The following NRG3 variants were observed in gnomAD, a reference collection of about 807,000 sequenced individuals.
NRG3 encodes the protein pro-neuregulin-3, membrane-bound isoform.
A neutral mutation model predicts 66.9 loss-of-function variants in NRG3; 31 were observed. The observed-to-expected ratio is 0.46, with a 90% CI of 0.35 to 0.63. The LOEUF (loss-of-function observed/expected upper bound fraction) is 0.63. NRG3 is among the 20% of genes least tolerant of loss of function. The probability of loss-of-function intolerance (pLI) is 0.00; values close to 1 mark genes in which losing one functional copy is unlikely to be tolerated. For missense variants in NRG3, 910 were observed against 878.9 expected (o/e 1.04, Z -0.45); for synonymous variants, 393 against 359.4 (o/e 1.09, Z -1.06).
intron 1 of NRG3, among the ~76,000 whole-genome samples, chr10:82,308,555 G>A (rs539724668): frequency 2.0e-4 from 30 of 152,194 alleles, no homozygotes; most frequent in Admixed American, 3.9e-4. Context: ...TGGATTTTGT[G>A]TATATTAACA....
intron 1 of NRG3, among the ~76,000 whole-genome samples, chr10:81,910,204 T>G (rs887244418): frequency 6.6e-6 from 1 of 152,224 alleles, no homozygotes; most frequent in Non-Finnish European, 1.5e-5. Context: ...AATCTATTTC[T>G]TGCTGTCCAC....
At chr10:82,976,627 G>GTTTC (rs1852279753) in intron 7 of NRG3, among the ~76,000 whole-genome samples, 1 of 152,180 alleles carries the variant, frequency 6.6e-6, no homozygotes, top group Admixed American at 6.5e-5. Flanking sequence ...CTAGCAGCTA[G>GTTTC]TTTCTACCTT....
intron 2 of NRG3, among the ~76,000 whole-genome samples, chr10:82,684,025 C>T (rs1350293282): frequency 1.9e-5 from 1 of 52,568 alleles, no homozygotes; most frequent in African/African-American, 3.1e-5. Flanking sequence ...TGTATATATT[C>T]AGAGCGCCCC....
intron 1 of NRG3, among the ~76,000 whole-genome samples, chr10:82,079,732 T>C (rs965582328): frequency 1.1e-4 from 16 of 152,208 alleles, no homozygotes; most frequent in African/African-American, 3.9e-4. Flanking sequence ...CCTAGAGTTT[T>C]AAAATTGGCT....
chr10:82,947,266 T>C (rs1350224771), intron 4 of NRG3, among the ~76,000 whole-genome samples: 1 of 152,222 alleles, frequency 6.6e-6, no homozygotes, highest in African/African-American at 2.4e-5. Context: ...TATTCTTCCA[T>C]ATTGTAGTTT....
intron 1 of NRG3, among the ~76,000 whole-genome samples, chr10:81,979,241 C>G (rs2060244015): frequency 6.6e-6 from 1 of 151,192 alleles, no homozygotes; most frequent in Non-Finnish European, 1.5e-5. Context: ...TCAGGAACCC[C>G]AGGTAACTTT....
intron 2 of NRG3, among the ~76,000 whole-genome samples, chr10:82,495,419 C>T (rs1843530285): frequency 6.6e-6 from 1 of 152,008 alleles, no homozygotes; most frequent in Non-Finnish European, 1.5e-5. Flanking sequence ...CTTTTTCCTA[C>T]TTGATTTTTT....
chr10:82,271,525 G>T (rs2078597011), intron 1 of NRG3, among the ~76,000 whole-genome samples: 1 of 151,998 alleles, frequency 6.6e-6, no homozygotes, highest in Non-Finnish European at 1.5e-5. Flanking sequence ...AAAACTCTTT[G>T]CCTCTTATCC....
At chr10:82,028,994 A>G (rs2062443349) in intron 1 of NRG3, among the ~76,000 whole-genome samples, 1 of 152,056 alleles carries the variant, frequency 6.6e-6, no homozygotes, top group Admixed American at 6.6e-5. Flanking sequence ...GGATCACCTG[A>G]GGTCAGGAGT....
At position 82,106,324 on chromosome 10, in the gene NRG3, T is replaced by G. The variant is rs192246991; in HGVS notation, c.823+230161T>G. On this transcript the variant is annotated intron_variant, in intron 1 of 8. Transcript: ENST00000372141. ...AGTGTTGCTGAGCCAAGGGCATAGATGCTAGAAGTTAGACCCAGGAGGGTT... is the reference window on the plus strand; with the variant it reads ...AGTGTTGCTGAGCCAAGGGCATAGAGGCTAGAAGTTAGACCCAGGAGGGTT... Among the ~76,000 whole-genome samples the G allele has an allele frequency of 2.1e-3, 323 of 152,324 alleles. 3 individuals carry two copies. Among genetic ancestry groups the G allele is most frequent in the African/African-American group, 7.3e-3 (302 of 41,572 alleles).
chr10:82,397,417 C>T (rs1253223742), intron 2 of NRG3, among the ~76,000 whole-genome samples: 1 of 152,130 alleles, frequency 6.6e-6, no homozygotes, highest in East Asian at 1.9e-4. Context: ...GGAAAGGAAA[C>T]ATTTGCATTT....
At chr10:82,010,865 G>A (rs2061547661) in intron 1 of NRG3, among the ~76,000 whole-genome samples, 1 of 152,128 alleles carries the variant, frequency 6.6e-6, no homozygotes, top group Admixed American at 6.6e-5. Context: ...AAACCTCACT[G>A]ATGAACAGAA....
chr10:82,456,997 G>T (rs1056478026), intron 2 of NRG3, among the ~76,000 whole-genome samples: 1 of 151,944 alleles, frequency 6.6e-6, no homozygotes. Context: ...ATCATCATAG[G>T]TATCTAGGAA....
At chr10:82,984,838 A>G (rs1335273243) in intron 8 of NRG3, 1 of 1,528,240 alleles carries the variant, frequency 6.5e-7, no homozygotes, top group South Asian at 1.2e-5. Context: ...GTGTGTTGAA[A>G]GACCCCTGGA....
At chr10:82,810,936 T>C (rs2061468487) in intron 3 of NRG3, among the ~76,000 whole-genome samples, 2 of 152,108 alleles carry the variant, frequency 1.3e-5, no homozygotes, top group Admixed American at 1.3e-4. Flanking sequence ...CTTATGAATT[T>C]TCAGAATAAA....
chr10:82,656,349 T>C (rs2051862556), intron 2 of NRG3, among the ~76,000 whole-genome samples: 2 of 145,470 alleles, frequency 1.4e-5, no homozygotes, highest in Non-Finnish European at 1.5e-5. Flanking sequence ...CATGCTGGAA[T>C]GCCTCAGAGT....
chr10:82,634,508 T>A (rs572276112), intron 2 of NRG3, among the ~76,000 whole-genome samples: 61 of 152,302 alleles, frequency 4.0e-4, no homozygotes, highest in African/African-American at 1.4e-3. Flanking sequence ...GCACATTTTT[T>A]AAAAACTCAA....
At chr10:82,762,551 A>G (rs1290875459) in intron 3 of NRG3, among the ~76,000 whole-genome samples, 1 of 152,194 alleles carries the variant, frequency 6.6e-6, no homozygotes, top group East Asian at 1.9e-4. Flanking sequence ...TGAATTATGA[A>G]TAGTAATGCA....
chr10:82,591,044 C>T (rs1444798511), intron 2 of NRG3, among the ~76,000 whole-genome samples: 1 of 152,160 alleles, frequency 6.6e-6, no homozygotes, highest in Non-Finnish European at 1.5e-5. Flanking sequence ...AGGCAAGAGT[C>T]CTGGGGTTTC....
Sources: allele counts gnomAD v4.1 joint callset (sites outside exome capture counted in the v4.1 genomes callset), GRCh38; gene constraint gnomAD v4.1.1; transcripts MANE v1.5; gene names NCBI Gene and HGNC (gene_info 2026-07-23, HGNC 2026-07-21).